Variants in PRR11 observed in about 807,000 individuals in gnomAD.
PRR11 encodes proline rich 11.
Under a neutral mutation model 45.6 loss-of-function variants are expected in PRR11, and 30 were observed. The observed-to-expected ratio is 0.66, with a 90% CI of 0.49 to 0.89. The LOEUF is 0.89. Among genes scored for constraint, PRR11 ranks in the 40% least tolerant of loss-of-function variants. The pLI is 0.00. For missense variants in PRR11, 373 were observed against 424.8 expected (o/e 0.88, Z 1.07); for synonymous variants, 128 against 153.5 (o/e 0.83, Z 1.23).
chr17:59,166,517 G>A (rs1943305855), intron 1 of PRR11, among the ~76,000 whole-genome samples: 1 of 151,918 alleles, frequency 6.6e-6, no homozygotes, highest in Admixed American at 6.6e-5. Context: ...TTTATTAAAA[G>A]TTTCCAAAAT....
chr17:59,186,422 A>C (rs1039880514), intron 4 of PRR11, among the ~76,000 whole-genome samples: 9 of 115,786 alleles, frequency 7.8e-5, no homozygotes, highest in Non-Finnish European at 1.3e-4. Context: ...TTTAGACAGA[A>C]TCTCACTCTG....
At chr17:59,190,814 G>A (rs2046837222) in intron 4 of PRR11, among the ~76,000 whole-genome samples, 1 of 152,244 alleles carries the variant, frequency 6.6e-6, no homozygotes, top group South Asian at 2.1e-4. Context: ...TCTCAGCCAA[G>A]AGAACTTGGC....
At chr17:59,164,342 T>C (rs1379007410) in intron 1 of PRR11, among the ~76,000 whole-genome samples, 2 of 152,186 alleles carry the variant, frequency 1.3e-5, no homozygotes, top group Non-Finnish European at 2.9e-5. Flanking sequence ...AAAATTCTTA[T>C]CTTTTATCTT....
intron 1 of PRR11, among the ~76,000 whole-genome samples, chr17:59,166,763 A>T (rs896176748): frequency 5.3e-5 from 8 of 152,288 alleles, no homozygotes; most frequent in African/African-American, 1.9e-4. Context: ...ACATTTGTAT[A>T]AAAAATTCAC....
At chr17:59,161,673 C>T (rs1379242654) in intron 1 of PRR11, among the ~76,000 whole-genome samples, 3 of 152,056 alleles carry the variant, frequency 2.0e-5, no homozygotes, top group Non-Finnish European at 4.4e-5. Context: ...TGCTTGAGTC[C>T]AGGAGGTCAA....
chr17:59,197,985 CAT>C, intron 9 of PRR11, 196 bp downstream of exon 9: 4 of 550,290 alleles, frequency 7.3e-6, no homozygotes, highest in Non-Finnish European at 1.3e-5. Context: ...CGTGGTGGTG[CAT>C]GCCTGTAGTT....
Position 59,193,748 on chromosome 17 carries a change from T to G in PRR11, c.645+14T>G. ...AAAGCACTTCAGGTAGGTAACAATCTAGTAATGATATGTTTTGATATGTTT... is the reference window on the plus strand; with the variant it reads ...AAAGCACTTCAGGTAGGTAACAATCGAGTAATGATATGTTTTGATATGTTT... On this transcript the variant is annotated intron_variant, in intron 5 of 9. Transcript: ENST00000262293. 1 of 1,611,466 alleles carries G rather than the reference T, an allele frequency of 6.2e-7. No individual in the cohort carries two copies. The highest frequency in any genetic ancestry group is 1.1e-5 in the South Asian group (1 of 90,978).
intron 1 of PRR11, among the ~76,000 whole-genome samples, chr17:59,156,932 G>T (rs1424706901): frequency 6.6e-6 from 1 of 152,184 alleles, no homozygotes; most frequent in East Asian, 1.9e-4. Flanking sequence ...CGGCCGCAAA[G>T]AACTTTTCAT....
At chr17:59,160,067 T>C (rs981387000) in intron 1 of PRR11, among the ~76,000 whole-genome samples, 3 of 151,808 alleles carry the variant, frequency 2.0e-5, no homozygotes, top group African/African-American at 4.8e-5. Flanking sequence ...AAATCTGATA[T>C]AGTAATCTCA....
At chr17:59,190,840 A>G (rs2046837350) in intron 4 of PRR11, among the ~76,000 whole-genome samples, 3 of 152,226 alleles carry the variant, frequency 2.0e-5, no homozygotes, top group African/African-American at 4.8e-5. Context: ...TTATGTGTCT[A>G]GTCCTTGAGT....
At position 59,195,331 on chromosome 17, in the gene PRR11, C is replaced by G; in HGVS notation, c.745C>G (p.Leu249Val). 3 of 1,608,352 alleles carry G rather than the reference C, an allele frequency of 1.9e-6. No individual in the cohort carries two copies. The highest frequency in any genetic ancestry group is 2.6e-6 in the Non-Finnish European group (3 of 1,174,980). ...ATAATGTCTCATTTTATAATTAAAG[C>G]TTATACCATCGCCGAAAGCACGGAA... ...KTQSLDEKRK[L>V]IPSPKARNPL... Residue 249 changes from leucine (L) to valine (V), a missense_variant and splice_region_variant, in exon 7 of 10, where the codon CTT becomes GTT. Physicochemically the swap from Leu to Val is conservative, Grantham distance 32. Coordinates refer to ENST00000262293, the MANE Select transcript of PRR11 (RefSeq NM_018304.4).
At chr17:59,199,616 C>T (rs2046882926) in intron 9 of PRR11, among the ~76,000 whole-genome samples, 1 of 152,180 alleles carries the variant, frequency 6.6e-6, no homozygotes, top group Admixed American at 6.6e-5. Flanking sequence ...GTCGGCTGCC[C>T]CTGCTGGAGT....
intron 1 of PRR11, among the ~76,000 whole-genome samples, chr17:59,162,726 C>CT (rs34124387): frequency 0.38 from 44,764 of 117,318 alleles, 10,554 homozygotes; most frequent in African/African-American, 0.62. Context: ...CTTTCTCTCC[C>CT]TTTTTTTTTT....
At chr17:59,181,278 G>T (rs1485067230) in intron 2 of PRR11, among the ~76,000 whole-genome samples, 1 of 151,738 alleles carries the variant, frequency 6.6e-6, no homozygotes, top group Non-Finnish European at 1.5e-5. Context: ...GTGAGCCACA[G>T]CGCCCAGCCC....
At chr17:59,192,200 T>TA (rs2147853328) in intron 4 of PRR11, among the ~76,000 whole-genome samples, 1 of 149,610 alleles carries the variant, frequency 6.7e-6, no homozygotes, top group African/African-American at 2.5e-5. Context: ...ACCACAGAGA[T>TA]AGAGATTGGA....
At chr17:59,182,501 C>T (rs1364660197) in intron 2 of PRR11, among the ~76,000 whole-genome samples, 1 of 150,008 alleles carries the variant, frequency 6.7e-6, no homozygotes, top group Non-Finnish European at 1.5e-5. Context: ...AAGTGATTCT[C>T]CTGTCTCAGC....
chr17:59,189,460 A>C (rs2037731074), intron 4 of PRR11, among the ~76,000 whole-genome samples: 1 of 151,898 alleles, frequency 6.6e-6, no homozygotes, highest in African/African-American at 2.4e-5. Flanking sequence ...CAACCTCCCA[A>C]GTAGCTGGGA....
At chr17:59,167,020 A>G (rs1195986474) in intron 1 of PRR11, among the ~76,000 whole-genome samples, 1 of 151,978 alleles carries the variant, frequency 6.6e-6, no homozygotes, top group Non-Finnish European at 1.5e-5. Flanking sequence ...AAAATTAGCC[A>G]GGCGTGGATG....
In PRR11 at chr17:59,204,716, A is replaced by G. The variant is rs534929779; in HGVS notation, c.*3085A>G. The G allele has an allele frequency of 2.0e-5, 3 of 152,832 alleles. No individual in the cohort carries two copies. The highest frequency in any genetic ancestry group is 2.9e-5 in the Non-Finnish European group (2 of 68,858). 9.5% of individuals were successfully genotyped at this position (152,832 alleles called of 1,614,324 possible). ...GTGAGACCCTGTGTCAAAAAAAAAAAAAAGAAAGAAAGAAAGAAAAAATGC... is the reference window on the plus strand; with the variant it reads ...GTGAGACCCTGTGTCAAAAAAAAAAGAAAGAAAGAAAGAAAGAAAAAATGC... On this transcript the variant is annotated 3_prime_UTR_variant, in exon 10 of 10. Transcript: ENST00000262293.
Sources: allele counts gnomAD v4.1 joint callset (sites outside exome capture counted in the v4.1 genomes callset), GRCh38; gene constraint gnomAD v4.1.1; transcripts MANE v1.5; gene names NCBI Gene and HGNC (gene_info 2026-07-23, HGNC 2026-07-21).